Variants in CCDC144A observed in about 807,000 individuals in gnomAD.
CCDC144A encodes the protein coiled-coil domain-containing protein 144A.
Under a neutral mutation model 143.8 loss-of-function variants are expected in CCDC144A, and 41 were observed. The observed-to-expected ratio is 0.29, with a 90% CI of 0.22 to 0.37. CCDC144A has a LOEUF of 0.37. Among genes scored for constraint, CCDC144A ranks in the 10% least tolerant of loss-of-function variants. The pLI is 1.00. For missense variants in CCDC144A, 637 were observed against 1,488.8 expected (o/e 0.43, Z 9.41); for synonymous variants, 242 against 517.9 (o/e 0.47, Z 7.23).
intron 8 of CCDC144A, among the ~76,000 whole-genome samples, chr17:16,724,414 G>A (rs1436720980): frequency 6.6e-6 from 1 of 151,624 alleles, no homozygotes; most frequent in Non-Finnish European, 1.5e-5. Context: ...GCAGGCTGAG[G>A]CAGGAGAATG....
chr17:16,705,543 A>G (rs987988439), intron 3 of CCDC144A, 144 bp downstream of exon 3: 13 of 796,772 alleles, frequency 1.6e-5, no homozygotes, highest in Non-Finnish European at 2.4e-5. Context: ...ACTTTTTGGC[A>G]GGATATTTGT....
chr17:16,675,417 C>A, the CCDC144A span, among the ~76,000 whole-genome samples: 1 of 147,340 alleles, frequency 6.8e-6, no homozygotes, highest in Non-Finnish European at 1.5e-5. Context: ...TTTTTTTATT[C>A]CTGAAATAAA....
chr17:16,709,047 A>G lies in CCDC144A; in HGVS notation c.990A>G (p.Val330=), dbSNP rs2656376. 5.0e-6 allele frequency: 8 copies of G among 1,611,596 alleles called. No individual in the cohort carries two copies. The East Asian group carries it at 6.7e-5, about 13-fold the overall frequency. ...ATAACTCTACAAGAGGAACAGATGTAAAGGATATTCCCTTTAATTTGACAA... is the reference window on the plus strand; with the variant it reads ...ATAACTCTACAAGAGGAACAGATGTGAAGGATATTCCCTTTAATTTGACAA... ...LLDNSTRGTD[V]KDIPFNLTNN... is the part of the protein sequence containing the mutation. Residue 330 remains valine (V), a synonymous_variant, in exon 5 of 17, where the codon GTA becomes GTG. Coordinates refer to ENST00000399273, the MANE Select transcript of CCDC144A (RefSeq NM_001382000.1).
chr17:16,709,732 T>G, intron 5 of CCDC144A, 97 bp downstream of exon 5: 1 of 1,461,994 alleles, frequency 6.8e-7, no homozygotes, highest in Non-Finnish European at 9.1e-7. Flanking sequence ...AGCATACAGT[T>G]TGGTTGTCTA....
upstream of CCDC144A, among the ~76,000 whole-genome samples, chr17:16,689,345 G>A (rs1401534170): frequency 2.6e-5 from 4 of 152,068 alleles, no homozygotes; most frequent in African/African-American, 7.2e-5. Flanking sequence ...ACAGGCACGC[G>A]CCACCACGCC....
chr17:16,697,158 G>C (rs1911464023), intron 2 of CCDC144A, among the ~76,000 whole-genome samples: 1 of 152,114 alleles, frequency 6.6e-6, no homozygotes, highest in Admixed American at 6.6e-5. Context: ...ATTGGGTAGG[G>C]AGACAGCAAT....
At chr17:16,725,673 A>G (rs1329063984) in intron 8 of CCDC144A, among the ~76,000 whole-genome samples, 1 of 150,378 alleles carries the variant, frequency 6.6e-6, no homozygotes, top group Non-Finnish European at 1.5e-5. Flanking sequence ...GATTGGATCC[A>G]GTGTATGCTG....
chr17:16,709,087 T>C lies in CCDC144A; in HGVS notation c.1030T>C (p.Cys344Arg). ...TAATTTGACAAATAACATACCTGGT[T>C]GTGAGGAAGAAGATGCATCTGAAAT... ...PFNLTNNIPGCEEEDASEISV... is the reference protein window; with the variant it reads ...PFNLTNNIPGREEEDASEISV... Residue 344 changes from cysteine (C) to arginine (R), a missense_variant, in exon 5 of 17, where the codon TGT becomes CGT. Physicochemically the swap from Cys to Arg is radical, Grantham distance 180. Coordinates refer to ENST00000399273, the MANE Select transcript of CCDC144A (RefSeq NM_001382000.1). 1.2e-6 allele frequency: 2 copies of C among 1,611,630 alleles called. No homozygotes were observed.
chr17:16,683,633 C>T, the CCDC144A span: 1 of 1,610,816 alleles, frequency 6.2e-7, no homozygotes, highest in Non-Finnish European at 8.5e-7. Flanking sequence ...AGGATGAGGC[C>T]TGGGACTTTG....
chr17:16,716,103 C>T (rs1009933090), intron 6 of CCDC144A, among the ~76,000 whole-genome samples: 2 of 151,754 alleles, frequency 1.3e-5, no homozygotes, highest in Admixed American at 6.6e-5. Flanking sequence ...TTTCATATTC[C>T]AGAACTATAG....
At chr17:16,736,577 T>C (rs1343911346) in intron 12 of CCDC144A, among the ~76,000 whole-genome samples, 6 of 151,934 alleles carry the variant, frequency 3.9e-5, no homozygotes, top group Non-Finnish European at 5.9e-5. Context: ...ATCATTCGGA[T>C]ATAACTTTGA....
intron 6 of CCDC144A, among the ~76,000 whole-genome samples, chr17:16,716,564 C>G (rs1229241359): frequency 6.6e-6 from 1 of 152,090 alleles, no homozygotes; most frequent in African/African-American, 2.4e-5. Flanking sequence ...TATAATTAAT[C>G]AGAATATTGC....
At chr17:16,685,112 T>C (rs549563504), upstream of CCDC144A, among the ~76,000 whole-genome samples, 4 of 152,358 alleles carry the variant, frequency 2.6e-5, no homozygotes, top group East Asian at 5.8e-4. Context: ...TTGCAACCTC[T>C]GCCTTCTGGG....
intron 2 of CCDC144A, among the ~76,000 whole-genome samples, chr17:16,699,500 T>C (rs1311228699): frequency 1.0e-3 from 20 of 19,076 alleles, no homozygotes; most frequent in East Asian, 3.0e-3. Context: ...CTCAGCCTCC[T>C]GAGTAGCTGG....
At chr17:16,733,920 T>C (rs1451553329) in intron 11 of CCDC144A, among the ~76,000 whole-genome samples, 8 of 152,122 alleles carry the variant, frequency 5.3e-5, no homozygotes. Context: ...GGTGGATCAC[T>C]TGAGCCCAGG....
rs748239188 is a variant in CCDC144A, at chr17:16,720,764, G to T, written c.1891+106G>T. On this transcript the variant is annotated intron_variant, in intron 8 of 16. Transcript: ENST00000399273. ...ATAGTGAAGCTCATCTCAGAAATAC[G>T]CTCAGTGTTAAAATAGAGAACTAAC... 7 of 1,542,140 alleles carry T rather than the reference G, an allele frequency of 4.5e-6. No homozygotes were observed. In the African/African-American group the frequency reaches 9.6e-5, roughly 21 times the overall value.
intron 2 of CCDC144A, among the ~76,000 whole-genome samples, chr17:16,696,936 A>C (rs1427610877): frequency 6.6e-6 from 1 of 151,468 alleles, no homozygotes; most frequent in Non-Finnish European, 1.5e-5. Context: ...GTTAGGGAGA[A>C]GACTCAGAAG....
upstream of CCDC144A, among the ~76,000 whole-genome samples, chr17:16,684,807 T>TA (rs894165222): frequency 6.6e-6 from 1 of 151,488 alleles, no homozygotes; most frequent in African/African-American, 2.4e-5. Context: ...CTAGAAAAAA[T>TA]AAAAAATTAG....
chr17:16,745,700 G>A (rs978743176), intron 12 of CCDC144A: 7 of 1,613,774 alleles, frequency 4.3e-6, no homozygotes, highest in African/African-American at 1.3e-5. Context: ...TCCTGTTTCC[G>A]CCACACTCTC....
Sources: gnomAD v4.1 joint callset for allele counts (sites outside exome capture counted in the v4.1 genomes callset) on GRCh38, gnomAD v4.1.1 for gene constraint, MANE v1.5 for transcripts, NCBI Gene and HGNC (gene_info 2026-07-23, HGNC 2026-07-21) for gene names.